Variants in USH2A observed in about 807,000 individuals in gnomAD.
The protein encoded by USH2A is usherin, also known as Usher syndrome 2A (autosomal recessive, mild).
Under a neutral mutation model 538.9 loss-of-function variants are expected in USH2A, and 443 were observed. That is an observed-to-expected ratio of 0.82 (90% CI 0.76 to 0.89). The LOEUF (loss-of-function observed/expected upper bound fraction) is 0.89, where lower values mean the gene tolerates loss of function less well. Among genes scored for constraint, USH2A ranks in the 40% least tolerant of loss-of-function variants. The pLI is 0.00. For synonymous variants in USH2A, 2,413 were observed against 2,273.5 expected (o/e 1.06, Z -1.75); for missense variants, 6,633 against 6,324.8 (o/e 1.05, Z -1.65).
intron 24 of USH2A, among the ~76,000 whole-genome samples, chr1:216,085,969 T>C (rs974833119): frequency 6.6e-6 from 1 of 152,112 alleles, no homozygotes; most frequent in Non-Finnish European, 1.5e-5. Flanking sequence ...AGCTTATTTG[T>C]AATATTTATG....
chr1:215,863,100 G>T (rs1162940763), intron 44 of USH2A, among the ~76,000 whole-genome samples: 1 of 152,106 alleles, frequency 6.6e-6, no homozygotes, highest in Non-Finnish European at 1.5e-5. Flanking sequence ...ATGATTATTG[G>T]GGAAGAATTA....
At chr1:216,103,974 TTGG>T (rs2032658657) in intron 21 of USH2A, among the ~76,000 whole-genome samples, 2 of 152,206 alleles carry the variant, frequency 1.3e-5, no homozygotes, top group South Asian at 4.1e-4. Context: ...AACAATCATT[TTGG>T]AAAACTGCTT....
intron 40 of USH2A, among the ~76,000 whole-genome samples, chr1:215,898,305 C>G (rs1205482492): frequency 6.6e-6 from 1 of 152,188 alleles, no homozygotes; most frequent in East Asian, 1.9e-4. Flanking sequence ...CTAAATACCA[C>G]AACAATGGAG....
At chr1:215,685,338 T>C (rs1571956931) in intron 61 of USH2A, among the ~76,000 whole-genome samples, 1 of 119,914 alleles carries the variant, frequency 8.3e-6, no homozygotes, top group South Asian at 3.7e-4. Flanking sequence ...ATCAGTTTTT[T>C]TTTTTTGTTG....
intron 14 of USH2A, among the ~76,000 whole-genome samples, chr1:216,220,729 G>A (rs1218919864): frequency 6.6e-6 from 1 of 152,010 alleles, no homozygotes; most frequent in Non-Finnish European, 1.5e-5. Context: ...ATGCTACCTT[G>A]GGGCAGTGGC....
chr1:216,214,582 C>A (rs2102492170), intron 15 of USH2A, among the ~76,000 whole-genome samples: 1 of 152,000 alleles, frequency 6.6e-6, no homozygotes, highest in South Asian at 2.1e-4. Flanking sequence ...CACAAAGGAA[C>A]TTTTTGAAAT....
intron 21 of USH2A, among the ~76,000 whole-genome samples, chr1:216,108,563 C>G (rs182316456): frequency 1.4e-3 from 215 of 151,998 alleles, no homozygotes; most frequent in Non-Finnish European, 2.7e-3. Flanking sequence ...CTGCCTATTT[C>G]TTCTTCCTGG....
Position 216,347,543 on chromosome 1 carries a change from T to C in USH2A, c.784+17410A>G, listed in dbSNP as rs12407759. 3.9e-3 allele frequency among the ~76,000 whole-genome samples: 596 copies of C among 152,052 alleles called. 17 individuals carry two copies. Among genetic ancestry groups the C allele is most frequent in the East Asian group, 0.039 (199 of 5,164 alleles). On this transcript the variant is annotated intron_variant, in intron 4 of 71. Transcript: ENST00000307340. ...TGGTATAAATATCATACAGGAAGCA[T>C]AGAAAAATATGAAATGGTCTTTGCT... is the stretch of plus-strand genomic sequence containing the variant.
At chr1:216,313,271 G>A (rs144229195) in intron 9 of USH2A, among the ~76,000 whole-genome samples, 89 of 152,218 alleles carry the variant, frequency 5.8e-4, no homozygotes, top group South Asian at 2.1e-4. Context: ...TATGCAGTCC[G>A]GTTTCTAATA....
At chr1:216,292,986 T>C (rs1364147961) in intron 9 of USH2A, among the ~76,000 whole-genome samples, 2 of 151,580 alleles carry the variant, frequency 1.3e-5, no homozygotes, top group Non-Finnish European at 1.5e-5. Flanking sequence ...CTTGCCTTCA[T>C]CTCACCTATA....
chr1:215,770,439 G>A (rs1661245296), intron 55 of USH2A, among the ~76,000 whole-genome samples: 1 of 151,828 alleles, frequency 6.6e-6, no homozygotes, highest in Admixed American at 6.6e-5. Flanking sequence ...AAAGAATGTA[G>A]TTCAAACACC....
At chr1:215,895,198 T>C (rs1665301653) in intron 40 of USH2A, among the ~76,000 whole-genome samples, 1 of 152,198 alleles carries the variant, frequency 6.6e-6, no homozygotes, top group Non-Finnish European at 1.5e-5. Context: ...GATTGAGTTT[T>C]TGTGGATTTA....
At chr1:216,022,076 C>A (rs1454062762) in intron 32 of USH2A, among the ~76,000 whole-genome samples, 1 of 152,134 alleles carries the variant, frequency 6.6e-6, no homozygotes, top group Non-Finnish European at 1.5e-5. Context: ...TATATCTGCT[C>A]CCCTTCACCT....
At chr1:215,965,219 T>C in intron 37 of USH2A, 98 bp downstream of exon 37, 1 of 1,345,964 alleles carries the variant, frequency 7.4e-7, no homozygotes, top group South Asian at 1.3e-5. Context: ...AACCAACATC[T>C]GTGGCTAAAA....
chr1:216,000,276 T>C, intron 33 of USH2A, 127 bp downstream of exon 33: 1 of 1,326,700 alleles, frequency 7.5e-7, no homozygotes, highest in Non-Finnish European at 1.1e-6. Context: ...CCAGATCCAC[T>C]GAACTAATCA....
At chr1:215,937,209 G>T (rs187886069) in intron 37 of USH2A, among the ~76,000 whole-genome samples, 15 of 152,220 alleles carry the variant, frequency 9.9e-5, no homozygotes, top group Admixed American at 9.8e-4. Context: ...GGCAGATAAA[G>T]ACATATTCAT....
intron 68 of USH2A, among the ~76,000 whole-genome samples, chr1:215,639,939 A>G (rs1656619765): frequency 6.6e-6 from 1 of 152,240 alleles, no homozygotes; most frequent in Admixed American, 6.5e-5. Context: ...TATAGTGAAC[A>G]TTGGTCCTGT....
intron 55 of USH2A, among the ~76,000 whole-genome samples, chr1:215,774,530 GTATTTTAATAAA>G (rs1343866392): frequency 6.6e-6 from 1 of 151,884 alleles, no homozygotes; most frequent in African/African-American, 2.4e-5. Context: ...TTTAGTGACA[GTATTTTAATAAA>G]TATTTTAATA....
At chr1:216,304,100 TA>T (rs2037269053) in intron 9 of USH2A, among the ~76,000 whole-genome samples, 1 of 151,880 alleles carries the variant, frequency 6.6e-6, no homozygotes, top group African/African-American at 2.4e-5. Flanking sequence ...TATGAATAAT[TA>T]AAAAAAGAAT....
Sources: gnomAD v4.1 joint callset for allele counts (sites outside exome capture counted in the v4.1 genomes callset) on GRCh38, gnomAD v4.1.1 for gene constraint, MANE v1.5 for transcripts, NCBI Gene and HGNC (gene_info 2026-07-23, HGNC 2026-07-21) for gene names.